ROBO1: variants seen among roughly 807,000 people sequenced by gnomAD.
ROBO1 encodes the protein roundabout homolog 1.
Under a neutral mutation model 195.9 loss-of-function variants are expected in ROBO1, and 149 were observed. That is an observed-to-expected ratio of 0.76 (90% confidence interval 0.67 to 0.87). The LOEUF is 0.87. Ranked by LOEUF, ROBO1 falls within the 40% of genes least tolerant of loss-of-function variation. The pLI is 0.00. For synonymous variants in ROBO1, 816 were observed against 733.2 expected, an observed-to-expected ratio of 1.11 and a Z score of -1.82; for missense variants, 1,933 against 2,068.3, an observed-to-expected ratio of 0.93 and a Z score of 1.27.
intron 2 of ROBO1, among the ~76,000 whole-genome samples, chr3:79,439,351 C>A (rs2038982986): frequency 6.6e-6 from 1 of 152,020 alleles, no homozygotes; most frequent in African/African-American, 2.4e-5. Flanking sequence ...GCAAAGCAGC[C>A]TTTTGTGCAG....
chr3:78,930,447 A>C (rs943323302), intron 4 of ROBO1, among the ~76,000 whole-genome samples: 15 of 152,166 alleles, frequency 9.9e-5, no homozygotes, highest in Admixed American at 8.5e-4. Flanking sequence ...ACAATAAGAG[A>C]GTGACAGGTG....
At chr3:79,504,250 C>A (rs1388056269) in intron 2 of ROBO1, among the ~76,000 whole-genome samples, 1 of 151,958 alleles carries the variant, frequency 6.6e-6, no homozygotes, top group Non-Finnish European at 1.5e-5. Flanking sequence ...TTATTATCTT[C>A]AAGGCATAAC....
At chr3:79,623,259 T>C (rs1193454192) in intron 1 of ROBO1, among the ~76,000 whole-genome samples, 1 of 152,142 alleles carries the variant, frequency 6.6e-6, no homozygotes, top group Non-Finnish European at 1.5e-5. Context: ...GAAAAATTGC[T>C]AAAAACCCAA....
intron 1 of ROBO1, among the ~76,000 whole-genome samples, chr3:79,614,660 A>C (rs1576119746): frequency 6.6e-6 from 1 of 152,228 alleles, no homozygotes; most frequent in East Asian, 1.9e-4. Context: ...AATAAATGTA[A>C]GATTTCTGTG....
At chr3:79,686,194 T>A (rs937196306) in intron 1 of ROBO1, among the ~76,000 whole-genome samples, 1 of 152,148 alleles carries the variant, frequency 6.6e-6, no homozygotes, top group African/African-American at 2.4e-5. Context: ...AAACTCTCAA[T>A]AAATTAGGTA....
At chr3:78,827,816 T>C (rs1033033836) in intron 4 of ROBO1, among the ~76,000 whole-genome samples, 1 of 152,164 alleles carries the variant, frequency 6.6e-6, no homozygotes, top group Non-Finnish European at 1.5e-5. Context: ...CTTCAACTGA[T>C]TGGATGAGGC....
At chr3:78,779,346 C>T (rs35056070) in intron 4 of ROBO1, among the ~76,000 whole-genome samples, 27,416 of 151,990 alleles carry the variant, frequency 0.18, 3,253 homozygotes, top group East Asian at 0.49. Flanking sequence ...AAAATTTTTG[C>T]AATCTACCCA....
At chr3:78,763,115 A>G (rs2083146645) in intron 4 of ROBO1, among the ~76,000 whole-genome samples, 1 of 152,144 alleles carries the variant, frequency 6.6e-6, no homozygotes, top group African/African-American at 2.4e-5. Context: ...ACACTACCAC[A>G]TATCTAACAG....
chr3:79,351,011 G>T (rs2109264874), intron 2 of ROBO1, among the ~76,000 whole-genome samples: 1 of 152,054 alleles, frequency 6.6e-6, no homozygotes, highest in South Asian at 2.1e-4. Flanking sequence ...CTTTTTGAAG[G>T]GTGGAAGATG....
At chr3:78,719,879 G>T (rs1379081341) in intron 5 of ROBO1, among the ~76,000 whole-genome samples, 1 of 152,052 alleles carries the variant, frequency 6.6e-6, no homozygotes, top group Non-Finnish European at 1.5e-5. Flanking sequence ...ATCAAAGTGG[G>T]ATTCTTAAAG....
intron 3 of ROBO1, among the ~76,000 whole-genome samples, chr3:79,104,462 T>C (rs1472488774): frequency 6.6e-6 from 1 of 151,838 alleles, no homozygotes. Context: ...AATAGATGTG[T>C]AATCACAATG....
intron 1 of ROBO1, among the ~76,000 whole-genome samples, chr3:79,608,407 A>G (rs1295289137): frequency 2.0e-5 from 3 of 152,082 alleles, no homozygotes; most frequent in East Asian, 1.9e-4. Flanking sequence ...CTCATATACC[A>G]AGAGTCTCAA....
At chr3:79,377,041 C>T (rs1256145490) in intron 2 of ROBO1, among the ~76,000 whole-genome samples, 1 of 129,438 alleles carries the variant, frequency 7.7e-6, no homozygotes, top group Non-Finnish European at 1.7e-5. Context: ...AGCTCTGAAA[C>T]AGTAAAGGAA....
chr3:78,775,003 CT>C (rs1407450943), intron 4 of ROBO1, among the ~76,000 whole-genome samples: 1 of 152,096 alleles, frequency 6.6e-6, no homozygotes, highest in African/African-American at 2.4e-5. Context: ...AAAAAATAGA[CT>C]TTTTCCAGTT....
chr3:79,545,029 T>C (rs922282173), intron 2 of ROBO1, among the ~76,000 whole-genome samples: 1 of 152,110 alleles, frequency 6.6e-6, no homozygotes, highest in Admixed American at 6.6e-5. Context: ...TCTTAGAAAT[T>C]GATATTTAAT....
chr3:79,087,713 CTAA>C (rs1481432821), intron 3 of ROBO1, among the ~76,000 whole-genome samples: 2 of 151,518 alleles, frequency 1.3e-5, no homozygotes, highest in Non-Finnish European at 2.9e-5. Context: ...ATTTGAAAGA[CTAA>C]TAATAATAAA....
At chr3:79,484,755 C>CTTTTTTTTGTTTTTTTTTTTTTT (rs1939063205) in intron 2 of ROBO1, among the ~76,000 whole-genome samples, 3 of 66,884 alleles carry the variant, frequency 4.5e-5, no homozygotes, top group Admixed American at 2.7e-4. Context: ...ATTGCACTAT[C>CTTTTTTTTGTTTTTTTTTTTTTT]TTTTTTTTTT....
intron 2 of ROBO1, among the ~76,000 whole-genome samples, chr3:79,443,027 C>A (rs567628432): frequency 2.0e-5 from 3 of 152,272 alleles, no homozygotes; most frequent in African/African-American, 7.2e-5. Flanking sequence ...AGATGAAAAT[C>A]ATGCTTTTAC....
intron 2 of ROBO1, among the ~76,000 whole-genome samples, chr3:79,490,869 G>A (rs909349819): frequency 6.6e-6 from 1 of 152,004 alleles, no homozygotes; most frequent in African/African-American, 2.4e-5. Context: ...GACTCGAGGG[G>A]GACGCCTTGA....
Sources: gnomAD v4.1 joint callset for allele counts (sites outside exome capture counted in the v4.1 genomes callset) on GRCh38, gnomAD v4.1.1 for gene constraint, MANE v1.5 for transcripts, NCBI Gene and HGNC (gene_info 2026-07-23, HGNC 2026-07-21) for gene names.